Variants in MICB observed in about 807,000 individuals in gnomAD.
MICB encodes the protein MHC class I polypeptide-related sequence B.
In MICB, 27 loss-of-function variants were observed where a neutral mutation model predicts 34.3. The observed-to-expected ratio is 0.79, with a 90% CI of 0.58 to 1.08. The LOEUF (loss-of-function observed/expected upper bound fraction) is 1.08. MICB is among the 50% of genes least tolerant of loss of function. MICB has a pLI of 0.00. For missense variants in MICB, 426 were observed against 483.1 expected, an observed-to-expected ratio of 0.88 and a Z score of 1.11; for synonymous variants, 153 against 187.4, an observed-to-expected ratio of 0.82 and a Z score of 1.50.
chr6:31,495,196 T>C (rs1373996919), upstream of MICB, among the ~76,000 whole-genome samples: 1 of 152,150 alleles, frequency 6.6e-6, no homozygotes, highest in African/African-American at 2.4e-5. Context: ...GCTTCATGTC[T>C]CCCTGAAACC....
chr6:31,508,717 T>C (rs1765497320), intron 5 of MICB, among the ~76,000 whole-genome samples: 1 of 152,232 alleles, frequency 6.6e-6, no homozygotes, highest in Non-Finnish European at 1.5e-5. Context: ...GAAAAGGGTA[T>C]GAAATTCATG....
intron 2 of MICB, 115 bp from the exon 3 acceptor site, chr6:31,506,028 C>T (rs1379947256): frequency 8.1e-6 from 12 of 1,484,624 alleles, no homozygotes; most frequent in Non-Finnish European, 9.9e-6. Context: ...GAACTCAGCC[C>T]ACACAGGGAG....
At chr6:31,508,130 G>A (rs1227003139) in intron 5 of MICB, among the ~76,000 whole-genome samples, 1 of 152,176 alleles carries the variant, frequency 6.6e-6, no homozygotes, top group African/African-American at 2.4e-5. Context: ...CCCCTCATCA[G>A]GGCAGATGTG....
chr6:31,507,199 A>C lies in MICB; in HGVS notation c.791A>C (p.Tyr264Ser). 6.2e-7 allele frequency: 1 copy of C among 1,614,018 alleles called. No homozygotes were observed. The highest frequency in any genetic ancestry group is 8.5e-7 in the Non-Finnish European group (1 of 1,179,982). ...GTCCTGCCTGATGGGAATGGAACCTACCAGACCTGGGTGGCCACCAGGATT... is the reference window on the plus strand; with the variant it reads ...GTCCTGCCTGATGGGAATGGAACCTCCCAGACCTGGGTGGCCACCAGGATT... The part of the protein sequence containing the change: ...GDVLPDGNGT[Y>S]QTWVATRIRQ... Residue 264 changes from tyrosine to serine, a missense_variant, in exon 4 of 6, where the codon TAC (tyrosine) becomes TCC (serine). Transcript: ENST00000252229. This position sits in a 1 kb window ranked among gnomAD's most constrained non-coding sequence, Gnocchi z 6.0.
At chr6:31,497,133 G>C (rs1341546953), upstream of MICB, among the ~76,000 whole-genome samples, 1 of 152,176 alleles carries the variant, frequency 6.6e-6, no homozygotes, top group Non-Finnish European at 1.5e-5. Flanking sequence ...AGACTGAAGG[G>C]AGGGGAAAGC....
chr6:31,508,257 C>T (rs144462077), intron 5 of MICB, among the ~76,000 whole-genome samples: 1 of 152,312 alleles, frequency 6.6e-6, no homozygotes, highest in African/African-American at 2.4e-5. Context: ...ACCTTGCCCT[C>T]CCTGAGCCAA....
At chr6:31,506,478 G>C (rs748713613) in intron 3 of MICB, 48 bp downstream of exon 3, 1 of 1,581,102 alleles carries the variant, frequency 6.3e-7, no homozygotes, top group South Asian at 1.2e-5. Context: ...TTCTGCTAGA[G>C]TTGCCTCGCC....
chr6:31,504,116 T>C (rs1765152550), intron 1 of MICB, among the ~76,000 whole-genome samples: 1 of 152,230 alleles, frequency 6.6e-6, no homozygotes. Flanking sequence ...CTTTGAAGAA[T>C]TGGCCATTGA....
At chr6:31,496,538 T>C (rs1331029858), upstream of MICB, among the ~76,000 whole-genome samples, 1 of 151,956 alleles carries the variant, frequency 6.6e-6, no homozygotes, top group African/African-American at 2.4e-5. Flanking sequence ...AGCTAAGTTT[T>C]TTGTATTTTT....
At chr6:31,498,119 T>C, upstream of MICB, 3 of 1,305,950 alleles carry the variant, frequency 2.3e-6, no homozygotes, top group Non-Finnish European at 1.0e-6. Flanking sequence ...GTGACTAAAT[T>C]TCGACGGGGT....
rs550543205 is a variant in MICB, at chr6:31,507,456, A to C, written c.949A>C (p.Met317Leu). The change falls in exon 5 of 6, where the codon ATG (methionine) becomes CTG (leucine). Residue 317 changes from methionine (M) to leucine (L), a missense_variant. By Grantham distance (15) the Met-to-Leu change is conservative (BLOSUM62 2). Coordinates refer to ENST00000252229, the MANE Select transcript of MICB (RefSeq NM_005931.5). The surrounding 1 kb of genome is among the most constrained non-coding windows in gnomAD (Gnocchi z 6.0). The stretch of plus-strand genomic sequence containing the variant: ...AGACTTTCCATATGTTTCTGCTGCT[A>C]TGCCATGTTTTGTTATTATTATTAT... ...RTDFPYVSAA[M>L]PCFVIIIILC... 1.1e-5 allele frequency: 17 copies of C among 1,614,096 alleles called. No homozygotes were observed. The South Asian group carries it at 1.6e-4, about 16-fold the overall frequency.
rs45627734 is a variant in MICB, at chr6:31,507,107, G to T, written c.699G>T (p.Arg233=). 1 of 1,613,968 alleles carries T rather than the reference G, an allele frequency of 6.2e-7. No homozygotes were observed. The highest frequency in any genetic ancestry group is 8.5e-7 in the Non-Finnish European group (1 of 1,179,928). ...VTCRASSFYP[R]NITLTWRQDG... ...GCAGGGCTTCCAGCTTCTATCCCCGGAATATCACACTGACCTGGCGTCAGG... is the reference window on the plus strand; with the variant it reads ...GCAGGGCTTCCAGCTTCTATCCCCGTAATATCACACTGACCTGGCGTCAGG... Residue 233 remains arginine, a synonymous_variant, in exon 4 of 6, where the codon CGG becomes CGT. Transcript: ENST00000252229. This position sits in a 1 kb window ranked among gnomAD's most constrained non-coding sequence, Gnocchi z 6.0.
Position 31,506,284 on chromosome 6 carries a change from C to T in MICB, c.467C>T (p.Ser156Phe). 1 of 1,614,226 alleles carries T rather than the reference C, an allele frequency of 6.2e-7. No individual in the cohort carries two copies. Among genetic ancestry groups the T allele is most frequent in the Non-Finnish European group, 8.5e-7 (1 of 1,180,038 alleles). The change falls in exon 3 of 6, where the codon TCC becomes TTC. Residue 156 changes from serine (S) to phenylalanine (F), a missense_variant. By Grantham distance (155) the Ser-to-Phe change is radical. Transcript: ENST00000252229. ...CAAGAATCGACAGTGCCCCAGTCCT[C>T]CAGAGCTCAGACCTTGGCTATGAAC... is the stretch of plus-strand genomic sequence containing the variant. The part of the protein sequence containing the change: ...ETQESTVPQS[S>F]RAQTLAMNVT...
chr6:31,501,208 C>A (rs1388147425), intron 1 of MICB, among the ~76,000 whole-genome samples: 1 of 152,106 alleles, frequency 6.6e-6, no homozygotes, highest in African/African-American at 2.4e-5. Context: ...TTTTGATATA[C>A]CTGTTTGCCA....
In MICB at chr6:31,506,373, G is replaced by T; in HGVS notation, c.556G>T (p.Asp186Tyr). Reference protein sequence around the residue: ...TKTHYRAMQADCLQKLQRYLK... With the variant: ...TKTHYRAMQAYCLQKLQRYLK... Reference sequence around the variant, plus strand: ...GACACACTATCGCGCTATGCAGGCAGACTGCCTGCAGAAACTACAGCGATA... The same window carrying T: ...GACACACTATCGCGCTATGCAGGCATACTGCCTGCAGAAACTACAGCGATA... The change falls in exon 3 of 6, where the codon GAC becomes TAC. Residue 186 changes from aspartate to tyrosine, a missense_variant. Coordinates refer to ENST00000252229, the MANE Select transcript of MICB (RefSeq NM_005931.5). The T allele has an allele frequency of 6.2e-7, 1 of 1,614,218 alleles. No individual in the cohort carries two copies.
rs778382430 is a variant in MICB, at chr6:31,507,159, C to T, written c.751C>T (p.Gln251Ter). 1.9e-6 allele frequency: 3 copies of T among 1,614,138 alleles called. No homozygotes were observed. The highest frequency in any genetic ancestry group is 1.3e-5 in the African/African-American group (1 of 75,022). The change falls in exon 4 of 6, where the codon CAG becomes TAG. Residue 251 changes from glutamine to a stop codon, truncating the protein, a stop_gained. Coordinates refer to ENST00000252229, the MANE Select transcript of MICB (RefSeq NM_005931.5). LOFTEE classifies it high-confidence loss of function. This position sits in a 1 kb window ranked among gnomAD's most constrained non-coding sequence, Gnocchi z 6.0. Reference protein sequence around the residue: ...QDGVSLSHNTQQWGDVLPDGN... With the variant: ...QDGVSLSHNT ...TGGGGTATCTTTGAGCCACAACACC[C>T]AGCAGTGGGGGGATGTCCTGCCTGA...
intron 5 of MICB, among the ~76,000 whole-genome samples, chr6:31,509,389 G>A (rs553851990): frequency 3.3e-5 from 5 of 152,372 alleles, no homozygotes; most frequent in African/African-American, 1.2e-4. Context: ...CTGCCCTGGT[G>A]TGCAGGTGCC....
In MICB at chr6:31,507,167, G is replaced by T; in HGVS notation, c.759G>T (p.Trp253Cys). 1.2e-6 allele frequency: 2 copies of T among 1,614,174 alleles called. No individual in the cohort carries two copies. Among genetic ancestry groups the T allele is most frequent in the Non-Finnish European group, 1.7e-6 (2 of 1,180,028 alleles). ...GVSLSHNTQQWGDVLPDGNGT... is the reference protein window; with the variant it reads ...GVSLSHNTQQCGDVLPDGNGT... Reference sequence around the variant, plus strand: ...CTTTGAGCCACAACACCCAGCAGTGGGGGGATGTCCTGCCTGATGGGAATG... The same window carrying T: ...CTTTGAGCCACAACACCCAGCAGTGTGGGGATGTCCTGCCTGATGGGAATG... The change falls in exon 4 of 6, where the codon TGG (tryptophan) becomes TGT (cysteine). Residue 253 changes from tryptophan to cysteine, a missense_variant. Transcript: ENST00000252229. The surrounding 1 kb of genome is among the most constrained non-coding windows in gnomAD (Gnocchi z 6.0).
Position 31,509,897 on chromosome 6 carries a change from T to C in MICB, c.1140T>C (p.Thr380=). The change falls in exon 6 of 6, where the codon ACT becomes ACC. Residue 380 remains threonine (T), a synonymous_variant. Transcript: ENST00000252229. ...LMSATGSTGS[T]EGT is the part of the protein sequence containing the mutation. ...CAGCTACTGGGTCCACTGGTTCCAC[T>C]GAGGGCACCTAGACTCTACAGCCAG... 6.2e-7 allele frequency: 1 copy of C among 1,611,684 alleles called. No homozygotes were observed. The highest frequency in any genetic ancestry group is 2.2e-5 in the East Asian group (1 of 44,778).
Sources: allele counts gnomAD v4.1 joint callset (sites outside exome capture counted in the v4.1 genomes callset), GRCh38; gene constraint gnomAD v4.1.1; non-coding constraint Gnocchi (gnomAD v3.1); transcripts MANE v1.5; gene names NCBI Gene and HGNC (gene_info 2026-07-23, HGNC 2026-07-21).